Variants in MCTP1 observed in about 807,000 individuals in gnomAD.
MCTP1 encodes the protein multiple C2 and transmembrane domain-containing protein 1.
In MCTP1, 69 loss-of-function variants were observed where a neutral mutation model predicts 120.6. That is an observed-to-expected ratio of 0.57 (90% CI 0.47 to 0.70). The LOEUF (loss-of-function observed/expected upper bound fraction) is 0.70, where lower values mean the gene tolerates loss of function less well. Among genes scored for constraint, MCTP1 ranks in the 30% least tolerant of loss-of-function variants. MCTP1 has a pLI of 0.00. For synonymous variants in MCTP1, 529 were observed against 493.1 expected (o/e 1.07, Z -0.96); for missense variants, 1,203 against 1,248.8 (o/e 0.96, Z 0.55).
At chr5:94,729,138 T>C (rs1025437366) in intron 19 of MCTP1, among the ~76,000 whole-genome samples, 2 of 152,214 alleles carry the variant, frequency 1.3e-5, no homozygotes, top group South Asian at 2.1e-4. Context: ...AGAACAGTTT[T>C]GGTCAGGAAA....
rs190825193 is a variant in MCTP1 at position 94,762,475 on chromosome 5, C to T, written c.2610+16635G>A. Among the ~76,000 whole-genome samples, 36 of 152,258 alleles carry T rather than the reference C, an allele frequency of 2.4e-4. 1 individual carries two copies. In the East Asian group the frequency reaches 6.7e-3, roughly 29 times the overall value. On this transcript the variant is annotated intron_variant, in intron 19 of 22. Transcript: ENST00000515393. ...GGATCTGTGCTTACTTATGAAAGCA[C>T]ACTGAATGGGTAAAAGATACTCTGT... is the stretch of plus-strand genomic sequence containing the variant.
At chr5:95,069,051 A>T (rs2152207533) in intron 1 of MCTP1, among the ~76,000 whole-genome samples, 1 of 151,190 alleles carries the variant, frequency 6.6e-6, no homozygotes, top group Non-Finnish European at 1.5e-5. Context: ...CTCAATCTTA[A>T]TTTTTATAGC....
chr5:94,835,660 A>G (rs1789565392), intron 17 of MCTP1, among the ~76,000 whole-genome samples: 1 of 152,216 alleles, frequency 6.6e-6, no homozygotes, highest in South Asian at 2.1e-4. Flanking sequence ...CTTCCTTAGC[A>G]GAGTCATTTA....
At chr5:94,717,917 T>C (rs1288118059) in intron 19 of MCTP1, among the ~76,000 whole-genome samples, 5 of 152,128 alleles carry the variant, frequency 3.3e-5, no homozygotes, top group Non-Finnish European at 7.4e-5. Context: ...GGAACAATCA[T>C]TATTGTGAAA....
chr5:94,920,948 A>G (rs1811510578), intron 7 of MCTP1, among the ~76,000 whole-genome samples: 1 of 151,976 alleles, frequency 6.6e-6, no homozygotes, highest in Admixed American at 6.6e-5. Context: ...TGATTTTTAT[A>G]TGAAGTATCT....
intron 1 of MCTP1, among the ~76,000 whole-genome samples, chr5:95,239,191 A>G (rs1428872062): frequency 6.6e-6 from 1 of 152,194 alleles, no homozygotes; most frequent in African/African-American, 2.4e-5. Context: ...TGCACATCTA[A>G]GCACCCTGGA....
Position 94,923,965 on chromosome 5 carries a change from C to G in MCTP1, c.1269G>C (p.Trp423Cys). The G allele has an allele frequency of 6.6e-7, 1 of 1,523,230 alleles. No homozygotes were observed. Among genetic ancestry groups the G allele is most frequent in the South Asian group, 1.3e-5 (1 of 75,702 alleles). 94.4% of individuals were successfully genotyped at this position (1,523,230 alleles called of 1,614,324 possible). A position where few individuals can be genotyped will look rare whatever the true frequency, so the allele number is the denominator to read the frequency against. Reference sequence around the variant, plus strand: ...ACAAAAAGGATTTAGACATTACCCTCCAAAAGAGAGACTTCACAGAGAAAT... The same window carrying G: ...ACAAAAAGGATTTAGACATTACCCTGCAAAAGAGAGACTTCACAGAGAAAT... The part of the protein sequence containing the change: ...GSYFSVKSLF[W>C]RTCGRPALPV... The change falls in exon 7 of 23, where the codon TGG (tryptophan) becomes TGC (cysteine). Residue 423 changes from tryptophan (W) to cysteine (C), a missense_variant. By Grantham distance (215) the Trp-to-Cys change is radical. This residue lies in a region of MCTP1 where 740 missense variants were observed against 871.1 expected (regional missense o/e 0.85). Transcript: ENST00000515393.
At chr5:94,817,078 C>T (rs1324257493) in intron 17 of MCTP1, among the ~76,000 whole-genome samples, 1 of 152,132 alleles carries the variant, frequency 6.6e-6, no homozygotes, top group African/African-American at 2.4e-5. Flanking sequence ...TCATCTCAAA[C>T]CTTCAAGACT....
At chr5:94,912,013 G>T (rs1033422889) in intron 9 of MCTP1, among the ~76,000 whole-genome samples, 1 of 152,082 alleles carries the variant, frequency 6.6e-6, no homozygotes, top group African/African-American at 2.4e-5. Flanking sequence ...GATATGGAGA[G>T]ACAAAGTAAC....
At chr5:94,764,778 A>C (rs1772163389) in intron 19 of MCTP1, among the ~76,000 whole-genome samples, 1 of 150,942 alleles carries the variant, frequency 6.6e-6, no homozygotes, top group African/African-American at 2.4e-5. Flanking sequence ...ACACAAAAAT[A>C]ATTGGGGACT....
At position 95,017,407 on chromosome 5, in the gene MCTP1, T is replaced by C. The variant is rs140643121; in HGVS notation, c.798A>G (p.Thr266=). The change falls in exon 2 of 23, where the codon ACA becomes ACG. Residue 266 remains threonine, a synonymous_variant. Transcript: ENST00000515393. ...CAGCTAAACTTTGACCCCTTCTTAA[T>C]GTAATGTCCAGCTGGTACATTCCGG... The part of the protein sequence containing the change: ...ADPGMYQLDI[T]LRRGQSLAAR... The C allele has an allele frequency of 8.7e-6, 14 of 1,610,052 alleles. No homozygotes were observed. Among genetic ancestry groups the C allele is most frequent in the Admixed American group, 3.3e-5 (2 of 59,780 alleles).
At chr5:94,933,375 T>C (rs558765603) in intron 5 of MCTP1, among the ~76,000 whole-genome samples, 6 of 151,780 alleles carry the variant, frequency 4.0e-5, no homozygotes, top group Non-Finnish European at 8.9e-5. Context: ...CATGATTTAT[T>C]ATCATCAGTA....
At chr5:94,987,275 T>C (rs548478470) in intron 2 of MCTP1, among the ~76,000 whole-genome samples, 150 of 152,280 alleles carry the variant, frequency 9.9e-4, no homozygotes, top group African/African-American at 3.4e-3. Flanking sequence ...ATAATTAACA[T>C]GATTGCCACC....
chr5:94,902,116 T>C (rs748893492), intron 10 of MCTP1, among the ~76,000 whole-genome samples: 2 of 152,150 alleles, frequency 1.3e-5, no homozygotes, highest in Non-Finnish European at 2.9e-5. Context: ...TAATCTAATT[T>C]TTAACTAAAC....
intron 1 of MCTP1, among the ~76,000 whole-genome samples, chr5:95,282,636 T>G (rs1181735526): frequency 6.6e-6 from 1 of 152,226 alleles, no homozygotes; most frequent in Non-Finnish European, 1.5e-5. Flanking sequence ...TTTGGTCTTT[T>G]TGTCACTATT....
intron 1 of MCTP1, among the ~76,000 whole-genome samples, chr5:95,025,401 A>G (rs1839071941): frequency 6.6e-6 from 1 of 152,218 alleles, no homozygotes; most frequent in Admixed American, 6.5e-5. Context: ...TTGAAAATTC[A>G]GAGTTCTAGG....
intron 1 of MCTP1, among the ~76,000 whole-genome samples, chr5:95,173,656 C>T (rs1346110182): frequency 3.3e-5 from 5 of 152,020 alleles, no homozygotes; most frequent in African/African-American, 1.2e-4. Context: ...AGTATATATT[C>T]ACACATGTAG....
chr5:94,926,506 T>C (rs189248423), intron 6 of MCTP1, among the ~76,000 whole-genome samples: 166 of 152,326 alleles, frequency 1.1e-3, no homozygotes, highest in African/African-American at 3.9e-3. Context: ...CCTCATGATA[T>C]TGACTAAGCT....
chr5:95,142,041 C>G (rs1247346490), intron 1 of MCTP1, among the ~76,000 whole-genome samples: 7 of 150,238 alleles, frequency 4.7e-5, no homozygotes, highest in Non-Finnish European at 1.0e-4. Flanking sequence ...AAACTTCATT[C>G]CTTTCAAAAA....
Sources: gnomAD v4.1 joint callset for allele counts (sites outside exome capture counted in the v4.1 genomes callset) on GRCh38, gnomAD v4.1.1 for gene constraint, gnomAD v4.1.1 regional missense constraint, MANE v1.5 for transcripts, NCBI Gene and HGNC (gene_info 2026-07-23, HGNC 2026-07-21) for gene names.